The following PAPPA variants were observed in gnomAD, a reference collection of about 807,000 sequenced individuals.
PAPPA encodes the protein pappalysin-1.
In PAPPA, 60 loss-of-function variants were observed where a neutral mutation model predicts 164.0. The observed-to-expected ratio is 0.37, with a 90% CI of 0.30 to 0.45. The LOEUF is 0.45. Ranked by LOEUF, PAPPA falls within the 20% of genes least tolerant of loss-of-function variation. The pLI is 1.00. For synonymous variants in PAPPA, 875 were observed against 814.1 expected, an observed-to-expected ratio of 1.07 and a Z score of -1.27; for missense variants, 1,782 against 2,087.3, an observed-to-expected ratio of 0.85 and a Z score of 2.85.
intron 3 of PAPPA, among the ~76,000 whole-genome samples, chr9:116,208,608 T>C (rs1393725918): frequency 6.6e-6 from 1 of 152,228 alleles, no homozygotes; most frequent in Non-Finnish European, 1.5e-5. Context: ...TGAACATCTT[T>C]ATCTGAGAAT....
intron 20 of PAPPA, among the ~76,000 whole-genome samples, chr9:116,382,178 T>TAA (rs750580167): frequency 1.5e-4 from 23 of 152,078 alleles, no homozygotes; most frequent in Non-Finnish European, 2.5e-4. Context: ...AAAAACTGGG[T>TAA]AAGAGTCTTT....
intron 21 of PAPPA, among the ~76,000 whole-genome samples, chr9:116,383,885 TATC>T (rs1564250919): frequency 6.6e-6 from 1 of 152,236 alleles, no homozygotes; most frequent in Non-Finnish European, 1.5e-5. Flanking sequence ...TAAGGAATTT[TATC>T]ATTTTTTTCT....
chr9:116,256,809 T>C (rs1387275569), intron 7 of PAPPA, among the ~76,000 whole-genome samples: 3 of 151,992 alleles, frequency 2.0e-5, no homozygotes, highest in Non-Finnish European at 4.4e-5. Context: ...AATATAGTAA[T>C]AATCTAGAAG....
chr9:116,246,697 C>T (rs551816961), intron 7 of PAPPA, among the ~76,000 whole-genome samples: 2 of 152,102 alleles, frequency 1.3e-5, no homozygotes, highest in African/African-American at 2.4e-5. Context: ...GTCAAGTTTG[C>T]TAAAAAGCAA....
intron 5 of PAPPA, among the ~76,000 whole-genome samples, chr9:116,221,804 A>G (rs1457860834): frequency 6.6e-6 from 1 of 152,242 alleles, no homozygotes; most frequent in Non-Finnish European, 1.5e-5. Context: ...TCAAAGACAT[A>G]TTAGGCAAAG....
chr9:116,334,919 C>T lies in PAPPA; in HGVS notation c.3456C>T (p.Leu1152=). ...TGATTATCCCTGTGGTCCATGACCT[C>T]AGCCAGCCCTTCTACCACAGCCAGG... ...NPLIIPVVHD[L]SQPFYHSQAV... is the part of the protein sequence containing the mutation. The change falls in exon 13 of 22, where the codon CTC becomes CTT. Residue 1152 remains leucine, a synonymous_variant. Coordinates refer to ENST00000328252, the MANE Select transcript of PAPPA (RefSeq NM_002581.5). 1 of 1,613,962 alleles carries T rather than the reference C, an allele frequency of 6.2e-7. No homozygotes were observed. The highest frequency in any genetic ancestry group is 8.5e-7 in the Non-Finnish European group (1 of 1,179,978).
intron 3 of PAPPA, among the ~76,000 whole-genome samples, chr9:116,209,760 T>C (rs1001715859): frequency 1.3e-5 from 2 of 152,166 alleles, no homozygotes; most frequent in African/African-American, 4.8e-5. Flanking sequence ...TGTCCTCTCA[T>C]TACCTCAATA....
chr9:116,367,797 G>A, intron 19 of PAPPA, 43 bp downstream of exon 19: 1 of 1,323,544 alleles, frequency 7.6e-7, no homozygotes, highest in Non-Finnish European at 1.1e-6. Context: ...CTAAGGGGGA[G>A]GGAAATGATA....
intron 10 of PAPPA, among the ~76,000 whole-genome samples, chr9:116,325,365 C>T (rs922891021): frequency 3.3e-5 from 5 of 152,096 alleles, no homozygotes; most frequent in African/African-American, 1.2e-4. Flanking sequence ...TCCTTAAGCT[C>T]CTGGGGCCCT....
chr9:116,211,945 A>G lies in PAPPA; in HGVS notation c.1918+13A>G. ...ATGAGCTATGCAGGTAGGGCCCTAC[A>G]CTCTGTAGGGTGAACAGGTCTGGAT... On this transcript the variant is annotated intron_variant, in intron 4 of 21. Coordinates refer to ENST00000328252, the MANE Select transcript of PAPPA (RefSeq NM_002581.5). 3 of 1,611,538 alleles carry G rather than the reference A, an allele frequency of 1.9e-6. No individual in the cohort carries two copies. The highest frequency in any genetic ancestry group is 2.5e-6 in the Non-Finnish European group (3 of 1,178,210).
chr9:116,391,884 G>C (rs894802677), intron 21 of PAPPA, among the ~76,000 whole-genome samples: 9 of 152,084 alleles, frequency 5.9e-5, no homozygotes, highest in Admixed American at 1.3e-4. Context: ...AGCTGCTTGG[G>C]GAGTCAGGGA....
At chr9:116,247,785 A>C (rs1475684455) in intron 7 of PAPPA, among the ~76,000 whole-genome samples, 1 of 152,156 alleles carries the variant, frequency 6.6e-6, no homozygotes, top group Non-Finnish European at 1.5e-5. Flanking sequence ...TGTGTCTGTT[A>C]AAACACAACC....
chr9:116,292,365 G>A (rs1845447251), intron 9 of PAPPA, among the ~76,000 whole-genome samples: 1 of 152,184 alleles, frequency 6.6e-6, no homozygotes, highest in East Asian at 1.9e-4. Flanking sequence ...GGTTAAGTGA[G>A]AATTGCAGCA....
chr9:116,218,939 A>G (rs1844409258), intron 4 of PAPPA, among the ~76,000 whole-genome samples: 1 of 152,200 alleles, frequency 6.6e-6, no homozygotes, highest in Non-Finnish European at 1.5e-5. Flanking sequence ...TGTCTAAAGC[A>G]CAGTGCACCA....
intron 1 of PAPPA, among the ~76,000 whole-genome samples, chr9:116,171,092 T>C (rs1015438555): frequency 4.6e-5 from 7 of 152,218 alleles, no homozygotes; most frequent in Non-Finnish European, 8.8e-5. Flanking sequence ...CAATAACAGT[T>C]TCTACCCTTA....
intron 8 of PAPPA, among the ~76,000 whole-genome samples, chr9:116,270,751 G>A (rs192918643): frequency 4.5e-4 from 66 of 146,708 alleles, no homozygotes; most frequent in African/African-American, 1.5e-3. Flanking sequence ...GTGTAGTCTC[G>A]CAGCCCTTGG....
At chr9:116,392,409 T>G (rs2118729499) in intron 21 of PAPPA, among the ~76,000 whole-genome samples, 1 of 152,326 alleles carries the variant, frequency 6.6e-6, no homozygotes, top group South Asian at 2.1e-4. Context: ...CTCTATTTTC[T>G]CATCTGCAAG....
intron 2 of PAPPA, among the ~76,000 whole-genome samples, chr9:116,199,936 G>A (rs1232642486): frequency 6.6e-6 from 1 of 152,070 alleles, no homozygotes; most frequent in Non-Finnish European, 1.5e-5. Flanking sequence ...ACTCTCACCG[G>A]AATTAGTAGA....
At chr9:116,237,566 C>A (rs952017400) in intron 7 of PAPPA, among the ~76,000 whole-genome samples, 1 of 152,084 alleles carries the variant, frequency 6.6e-6, no homozygotes, top group Non-Finnish European at 1.5e-5. Context: ...AATGAAAGAA[C>A]CCTTAGTGAT....
Sources: gnomAD v4.1 joint callset for allele counts (sites outside exome capture counted in the v4.1 genomes callset) on GRCh38, gnomAD v4.1.1 for gene constraint, MANE v1.5 for transcripts, NCBI Gene and HGNC (gene_info 2026-07-23, HGNC 2026-07-21) for gene names.